HELQ: variants seen among roughly 807,000 people sequenced by gnomAD.
HELQ encodes helicase POLQ-like.
A neutral mutation model predicts 111.6 loss-of-function variants in HELQ; 77 were observed. The observed-to-expected ratio is 0.69, with a 90% confidence interval of 0.57 to 0.83. The LOEUF (loss-of-function observed/expected upper bound fraction) is 0.83, where lower values mean the gene tolerates loss of function less well. Ranked by LOEUF, HELQ falls within the 40% of genes least tolerant of loss-of-function variation. The pLI, the probability that HELQ is intolerant of heterozygous loss-of-function variation, is 0.00. For missense variants in HELQ, 1,200 were observed against 1,288.5 expected (o/e 0.93, Z 1.05); for synonymous variants, 438 against 454.7 (o/e 0.96, Z 0.47).
chr4:83,446,787 T>C (rs941130847), intron 4 of HELQ, 48 bp downstream of exon 4: 49 of 1,119,714 alleles, frequency 4.4e-5, no homozygotes, highest in Non-Finnish European at 6.1e-5. Context: ...GAATAATAAA[T>C]ATTTAGTATA....
intron 2 of HELQ, among the ~76,000 whole-genome samples, chr4:83,451,648 C>A (rs1277303078): frequency 1.3e-5 from 2 of 150,156 alleles, no homozygotes; most frequent in South Asian, 2.1e-4. Context: ...CTGGGCAACA[C>A]GCGAGACTCC....
chr4:83,454,875 G>T (rs1447657591), intron 1 of HELQ, among the ~76,000 whole-genome samples: 2 of 152,156 alleles, frequency 1.3e-5, no homozygotes, highest in African/African-American at 4.8e-5. Flanking sequence ...AAACATGGTT[G>T]TACCACTAGA....
At chr4:83,441,911 T>A (rs953993183) in intron 6 of HELQ, among the ~76,000 whole-genome samples, 2 of 151,770 alleles carry the variant, frequency 1.3e-5, no homozygotes, top group Non-Finnish European at 2.9e-5. Flanking sequence ...GTAGCTGGGA[T>A]GACAGGCATG....
intron 15 of HELQ, among the ~76,000 whole-genome samples, chr4:83,420,507 G>A (rs1260465062): frequency 3.4e-5 from 5 of 146,228 alleles, no homozygotes; most frequent in African/African-American, 1.2e-4. Flanking sequence ...AAAATTGGTT[G>A]GGCGCTGTGG....
intron 8 of HELQ, 66 bp downstream of exon 8, chr4:83,439,797 A>C: frequency 9.1e-7 from 1 of 1,099,290 alleles, no homozygotes; most frequent in Non-Finnish European, 1.3e-6. Context: ...TTGCCCAATA[A>C]AATTAATACA....
intron 17 of HELQ, among the ~76,000 whole-genome samples, chr4:83,408,134 T>C (rs2109955089): frequency 6.6e-6 from 1 of 152,290 alleles, no homozygotes; most frequent in Admixed American, 6.5e-5. Context: ...GAATAATAAG[T>C]AAACTACACA....
chr4:83,418,830 T>A (rs967833337), intron 15 of HELQ, among the ~76,000 whole-genome samples: 1 of 152,190 alleles, frequency 6.6e-6, no homozygotes, highest in African/African-American at 2.4e-5. Flanking sequence ...GAAATCAACG[T>A]AATGAAGATG....
At chr4:83,431,593 G>C in intron 11 of HELQ, 71 bp downstream of exon 11, 2 of 609,876 alleles carry the variant, frequency 3.3e-6, no homozygotes, top group Non-Finnish European at 2.7e-6. Flanking sequence ...CATATATAAA[G>C]TTATTGCATA....
chr4:83,451,156 G>A (rs1196159045), intron 2 of HELQ, among the ~76,000 whole-genome samples: 1 of 152,114 alleles, frequency 6.6e-6, no homozygotes, highest in Non-Finnish European at 1.5e-5. Context: ...ATTTACTGAA[G>A]TTCTTACTTA....
intron 17 of HELQ, among the ~76,000 whole-genome samples, chr4:83,410,518 C>CAG (rs35024379): frequency 0.2 from 30,933 of 151,702 alleles, 5,580 homozygotes; most frequent in African/African-American, 0.49. Context: ...TTGAGGAAAA[C>CAG]AGAAATATAT....
intron 15 of HELQ, 89 bp from the exon 16 acceptor site, chr4:83,418,295 T>A (rs1322530024): frequency 4.7e-6 from 3 of 636,012 alleles, no homozygotes; most frequent in Non-Finnish European, 8.0e-6. Context: ...GAGAGAATGT[T>A]CCTTACATAA....
rs373064117 is a variant in HELQ, at chr4:83,426,712, C to T, written c.2677-620G>A. 1.5e-4 allele frequency among the ~76,000 whole-genome samples: 23 copies of T among 152,016 alleles called. 1 individual carries two copies. The highest frequency in any genetic ancestry group is 8.5e-4 in the Admixed American group (13 of 15,250). On this transcript the variant is annotated intron_variant, in intron 13 of 17. Coordinates refer to ENST00000295488, the MANE Select transcript of HELQ (RefSeq NM_133636.5). ...CTGAGTAGCTGGGACTACTGGTGTG[C>T]GCCACCATGACCAACTAATTTCTGT...
At chr4:83,415,946 C>CTT (rs1560539714) in intron 17 of HELQ, among the ~76,000 whole-genome samples, 8 of 135,058 alleles carry the variant, frequency 5.9e-5, no homozygotes, top group African/African-American at 1.9e-4. Context: ...CGAACCCAGC[C>CTT]ATTTTTTTTT....
rs535191149 is a variant in HELQ, at chr4:83,412,953, GTATTATTAA to G, written c.3198+3769_3198+3777del. Among the ~76,000 whole-genome samples, 83 of 152,322 alleles carry G rather than the reference GTATTATTAA, an allele frequency of 5.4e-4. No homozygotes were observed. In the East Asian group the frequency reaches 0.016, roughly 29 times the overall value. On this transcript the variant is annotated intron_variant, in intron 17 of 17. Transcript: ENST00000295488. Reference sequence around the variant, plus strand: ...CTGGGTTTCCCCACTCAATCTGTTAGTATTATTAATAAATCATACCCTTTCTGTCCAGTC... The same window carrying G: ...CTGGGTTTCCCCACTCAATCTGTTAGTAAATCATACCCTTTCTGTCCAGTC...
At chr4:83,418,240 T>A (rs747315869) in intron 15 of HELQ, 34 bp from the exon 16 acceptor site, 5 of 1,260,516 alleles carry the variant, frequency 4.0e-6, no homozygotes, top group South Asian at 2.8e-5. Flanking sequence ...AAAATTTAAA[T>A]TTTGTAAGTT....
Position 83,429,526 on chromosome 4 carries a change from T to C in HELQ, c.2516A>G (p.Lys839Arg), listed in dbSNP as rs1428125054. The C allele has an allele frequency of 6.3e-7, 1 of 1,580,166 alleles. No homozygotes were observed. The highest frequency in any genetic ancestry group is 1.1e-5 in the South Asian group (1 of 89,004). The change falls in exon 12 of 18, where the codon AAG (lysine) becomes AGG (arginine). Residue 839 changes from lysine (K) to arginine (R), a missense_variant and splice_region_variant. Around this residue, in one of 3 missense-constraint regions of HELQ, gnomAD observed 585 missense variants for 665.3 expected, o/e 0.88. Coordinates refer to ENST00000295488, the MANE Select transcript of HELQ (RefSeq NM_133636.5). ...HITKLGRASF[K>R]GTIDLAYCDI... ...ATAAGATTTAGGTAAACTCTTACCC[T>C]TAAATGAAGCACGTCCCAACTTTGT...
At chr4:83,452,622 C>G (rs1219948885) in intron 2 of HELQ, among the ~76,000 whole-genome samples, 1 of 152,132 alleles carries the variant, frequency 6.6e-6, no homozygotes, top group Non-Finnish European at 1.5e-5. Context: ...GGAAATACAA[C>G]TAAGAAAGCT....
At chr4:83,432,096 AAAC>A in intron 10 of HELQ, 27 bp downstream of exon 10, 1 of 1,523,444 alleles carries the variant, frequency 6.6e-7, no homozygotes, top group African/African-American at 1.4e-5. Flanking sequence ...AAAAAGACAA[AAAC>A]AACCAACCAA....
chr4:83,438,632 C>T (rs1233791583), intron 8 of HELQ, among the ~76,000 whole-genome samples: 1 of 150,448 alleles, frequency 6.6e-6, no homozygotes, highest in Non-Finnish European at 1.5e-5. Context: ...GTCCCAGCTA[C>T]TTGGGAGGCT....
Sources: gnomAD v4.1 joint callset for allele counts (sites outside exome capture counted in the v4.1 genomes callset) on GRCh38, gnomAD v4.1.1 for gene constraint, gnomAD v4.1.1 regional missense constraint, MANE v1.5 for transcripts, NCBI Gene and HGNC (gene_info 2026-07-23, HGNC 2026-07-21) for gene names.